The following ALDH3A1 variants were observed in gnomAD, a reference collection of about 807,000 sequenced individuals.
The protein encoded by ALDH3A1 is aldehyde dehydrogenase 3 family member A1.
A neutral mutation model predicts 49.9 loss-of-function variants in ALDH3A1; 46 were observed. The observed-to-expected ratio is 0.92, with a 90% CI of 0.73 to 1.18. ALDH3A1 has a LOEUF of 1.18. Among genes scored for constraint, ALDH3A1 ranks in the 50% most tolerant of loss-of-function variants. The pLI, the probability that ALDH3A1 is intolerant of heterozygous loss-of-function variation, is 0.00. For synonymous variants in ALDH3A1, 269 were observed against 253.3 expected, an observed-to-expected ratio of 1.06 and a Z score of -0.59; for missense variants, 592 against 611.8, an observed-to-expected ratio of 0.97 and a Z score of 0.34.
chr17:19,743,124 AC>A lies in ALDH3A1; in HGVS notation c.394+107del. The stretch of plus-strand genomic sequence containing the variant: ...CAGCCTCCTGTGACAGACCCAGCAA[AC>A]CCTTATCTGACCCCAGGACTCTTAA... On this transcript the variant is annotated intron_variant, in intron 3 of 10. Coordinates refer to ENST00000225740, the MANE Select transcript of ALDH3A1 (RefSeq NM_000691.5). This position sits in a 1 kb window ranked among gnomAD's most constrained non-coding sequence, Gnocchi z 4.4. The A allele has an allele frequency of 6.5e-7, 1 of 1,546,036 alleles. No homozygotes were observed.
Position 19,742,111 on chromosome 17 carries a change from C to T in ALDH3A1, c.582G>A (p.Lys194=), listed in dbSNP as rs1405748867. Reference sequence around the variant, plus strand: ...GCTTGGCAGCAGCCGTCATGATGATCTTCCCCACCCCCGTGCTGCCCGTGT... The same window carrying T: ...GCTTGGCAGCAGCCGTCATGATGATTTTCCCCACCCCCGTGCTGCCCGTGT... The part of the protein sequence containing the change: ...ILYTGSTGVG[K]IIMTAAAKHL... The change falls in exon 5 of 11, where the codon AAG becomes AAA. Residue 194 remains lysine (K), a synonymous_variant. Transcript: ENST00000225740. 1.2e-6 allele frequency: 2 copies of T among 1,613,948 alleles called. No individual in the cohort carries two copies. Among genetic ancestry groups the T allele is most frequent in the Non-Finnish European group, 1.7e-6 (2 of 1,180,032 alleles).
At position 19,740,497 on chromosome 17, in the gene ALDH3A1, G is replaced by A. The variant is rs3826507; in HGVS notation, c.808-20C>T. The A allele has an allele frequency of 0.38, 618,482 of 1,612,064 alleles. 123,086 individuals carry two copies. The highest frequency in any genetic ancestry group is 0.41 in the Non-Finnish European group (483,103 of 1,179,132). On this transcript the variant is annotated intron_variant, in intron 6 of 10. Coordinates refer to ENST00000225740, the MANE Select transcript of ALDH3A1 (RefSeq NM_000691.5). ...GAACTCCTGTGGAGAAGAGGTGGGG[G>A]CTTCGGGTAAGGACGCAGAGCCTCG...
At position 19,743,408 on chromosome 17, in the gene ALDH3A1, T is replaced by C. The variant is rs760732917; in HGVS notation, c.218A>G (p.Tyr73Cys). 7 of 1,613,970 alleles carry C rather than the reference T, an allele frequency of 4.3e-6. No homozygotes were observed. In the South Asian group the frequency reaches 6.6e-5, roughly 15 times the overall value. ...EVVYVLEEIE[Y>C]MIQKLPEWAA... is the part of the protein sequence containing the mutation. ...CCACTCAGGGAGCTTCTGGATCATG[T>C]ACTCGATCTCCTCTAGGACGTACAC... The change falls in exon 3 of 11, where the codon TAC (tyrosine) becomes TGC (cysteine). Residue 73 changes from tyrosine to cysteine, a missense_variant. By Grantham distance (194) the Tyr-to-Cys change is radical. Coordinates refer to ENST00000225740, the MANE Select transcript of ALDH3A1 (RefSeq NM_000691.5). This position sits in a 1 kb window ranked among gnomAD's most constrained non-coding sequence, Gnocchi z 4.4.
In ALDH3A1 at chr17:19,742,016, T is replaced by A; in HGVS notation, c.677A>T (p.Asp226Val). 6.2e-7 allele frequency: 1 copy of A among 1,613,744 alleles called. No individual in the cohort carries two copies. Among genetic ancestry groups the A allele is most frequent in the Non-Finnish European group, 8.5e-7 (1 of 1,179,986 alleles). ...CCGTGCCTCTCACCGGCAGGCCACG[T>A]CCAGGTCACAGTTCTTGTCCACGTA... ...PCYVDKNCDL[D>V]VACRRIAWGK... The change falls in exon 5 of 11, where the codon GAC (aspartate) becomes GTC (valine). Residue 226 changes from aspartate to valine, a missense_variant. Physicochemically the swap from Asp to Val is radical, Grantham distance 152. Transcript: ENST00000225740.
chr17:19,742,333 C>G lies in ALDH3A1; in HGVS notation c.481-121G>C, dbSNP rs554512806. On this transcript the variant is annotated intron_variant, in intron 4 of 10. Transcript: ENST00000225740. ...CCGAAGCTCAGCACCCCACCTTGGG[C>G]GGGGGGTAGCAGTAACTGGCAGTAG... is the stretch of plus-strand genomic sequence containing the variant. 2,078 of 1,195,002 alleles carry G rather than the reference C, an allele frequency of 1.7e-3. 29 individuals are homozygous for G. In the African/African-American group the frequency reaches 0.028, roughly 16 times the overall value. 74.0% of individuals were successfully genotyped at this position (1,195,002 alleles called of 1,614,324 possible).
In ALDH3A1 at chr17:19,742,321, C is replaced by A. The variant is rs185277445; in HGVS notation, c.481-109G>T. 63 of 1,284,876 alleles carry A rather than the reference C, an allele frequency of 4.9e-5. No homozygotes were observed. The African/African-American group carries it at 7.6e-4, about 16-fold the overall frequency. 79.6% of individuals were successfully genotyped at this position (1,284,876 alleles called of 1,614,324 possible). On this transcript the variant is annotated intron_variant, in intron 4 of 10. Coordinates refer to ENST00000225740, the MANE Select transcript of ALDH3A1 (RefSeq NM_000691.5). ...AGACCAGCAGCCCCGAAGCTCAGCACCCCACCTTGGGCGGGGGGTAGCAGT... is the reference window on the plus strand; with the variant it reads ...AGACCAGCAGCCCCGAAGCTCAGCAACCCACCTTGGGCGGGGGGTAGCAGT...
rs116992290 is a variant in ALDH3A1 at position 19,742,823 on chromosome 17, C to T, written c.395-193G>A. 1.8e-3 allele frequency: 2,725 copies of T among 1,533,738 alleles called. 60 individuals are homozygous for T. In the East Asian group the frequency reaches 0.049, roughly 28 times the overall value. ...CGGGCACATGACAGAGGGACACACACGGGCACACGCTGGCCAGAGCTGCAC... is the reference window on the plus strand; with the variant it reads ...CGGGCACATGACAGAGGGACACACATGGGCACACGCTGGCCAGAGCTGCAC... On this transcript the variant is annotated intron_variant, in intron 3 of 10. Transcript: ENST00000225740.
chr17:19,739,349 A>T (rs1415145527), intron 8 of ALDH3A1, among the ~76,000 whole-genome samples, 159 bp downstream of exon 8: 2 of 152,212 alleles, frequency 1.3e-5, no homozygotes, highest in Non-Finnish European at 2.9e-5. Flanking sequence ...CCCTCAGGTG[A>T]TGCTGCTGTC....
Position 19,743,825 on chromosome 17 carries a change from G to A in ALDH3A1, c.163-362C>T. The A allele has an allele frequency of 1.0e-6, 1 of 978,396 alleles. No individual in the cohort carries two copies. Among genetic ancestry groups the A allele is most frequent in the Non-Finnish European group, 1.2e-6 (1 of 824,296 alleles). 60.6% of individuals were successfully genotyped at this position (978,396 alleles called of 1,614,324 possible). On this transcript the variant is annotated intron_variant, in intron 2 of 10. Coordinates refer to ENST00000225740, the MANE Select transcript of ALDH3A1 (RefSeq NM_000691.5). The surrounding 1 kb of genome is among the most constrained non-coding windows in gnomAD (Gnocchi z 4.4). ...TCCGGGGAGGGGGGGATGGATCCGGGGAGGGGGGATAGATTCGGGCACTGG... is the reference window on the plus strand; with the variant it reads ...TCCGGGGAGGGGGGGATGGATCCGGAGAGGGGGGATAGATTCGGGCACTGG...
In ALDH3A1 at chr17:19,738,335, C is replaced by G. The variant is rs1454987632; in HGVS notation, c.1335G>C (p.Pro445=). The G allele has an allele frequency of 6.2e-7, 1 of 1,613,016 alleles. No homozygotes were observed. The highest frequency in any genetic ancestry group is 1.3e-5 in the African/African-American group (1 of 74,918). ...NDEGLKVRYP[P]SPAKMTQH Reference sequence around the variant, plus strand: ...TTCCCCCTCTCACCTTGGCCGGGCTCGGGGGGTATCTGACCTTCAGGCCTT... The same window carrying G: ...TTCCCCCTCTCACCTTGGCCGGGCTGGGGGGGTATCTGACCTTCAGGCCTT... The change falls in exon 10 of 11, where the codon CCG becomes CCC. Residue 445 remains proline, a synonymous_variant. Transcript: ENST00000225740.
intron 6 of ALDH3A1, 81 bp from the exon 7 acceptor site, chr17:19,740,558 T>C (rs1597666835): frequency 1.3e-6 from 2 of 1,519,604 alleles, no homozygotes; most frequent in African/African-American, 2.7e-5. Flanking sequence ...AGGCCAGCAG[T>C]GTCTGTCTTT....
chr17:19,741,060 C>G (rs1364017437), intron 6 of ALDH3A1, 33 bp downstream of exon 6: 1 of 1,566,870 alleles, frequency 6.4e-7, no homozygotes. Context: ...CTTACAGCCT[C>G]TCATCCCACC....
chr17:19,742,052 T>C lies in ALDH3A1; in HGVS notation c.641A>G (p.Lys214Arg). The change falls in exon 5 of 11, where the codon AAG (lysine) becomes AGG (arginine). Residue 214 changes from lysine to arginine, a missense_variant. Physicochemically the swap from Lys to Arg is conservative, Grantham distance 26. Coordinates refer to ENST00000225740, the MANE Select transcript of ALDH3A1 (RefSeq NM_000691.5). The stretch of plus-strand genomic sequence containing the variant: ...GTTCTTGTCCACGTAGCAGGGACTC[T>C]TCCCTCCCAGCTCCAGCGTGACAGG... Reference protein sequence around the residue: ...LTPVTLELGGKSPCYVDKNCD... With the variant: ...LTPVTLELGGRSPCYVDKNCD... 6.2e-7 allele frequency: 1 copy of C among 1,613,962 alleles called. No individual in the cohort carries two copies. Among genetic ancestry groups the C allele is most frequent in the Non-Finnish European group, 8.5e-7 (1 of 1,179,988 alleles).
In ALDH3A1 at chr17:19,745,119, A is replaced by G. The variant is rs772372375; in HGVS notation, c.11T>C (p.Ile4Thr). 2.5e-6 allele frequency: 4 copies of G among 1,578,674 alleles called. No homozygotes were observed. Among genetic ancestry groups the G allele is most frequent in the Non-Finnish European group, 3.4e-6 (4 of 1,168,722 alleles). Reference sequence around the variant, plus strand: ...GCGGGCGCGCTTCACGGCCTCGCTGATCTTGCTCATGGCGCCTGGGGACAG... The same window carrying G: ...GCGGGCGCGCTTCACGGCCTCGCTGGTCTTGCTCATGGCGCCTGGGGACAG... MSKISEAVKRARAA... is the reference protein window; with the variant it reads MSKTSEAVKRARAA... Residue 4 changes from isoleucine (I) to threonine (T), a missense_variant, in exon 2 of 11, where the codon ATC becomes ACC. Physicochemically the swap from Ile to Thr is moderately conservative, Grantham distance 89. Coordinates refer to ENST00000225740, the MANE Select transcript of ALDH3A1 (RefSeq NM_000691.5).
chr17:19,743,480 G>A lies in ALDH3A1; in HGVS notation c.163-17C>T, dbSNP rs887239. ...CCATTCATTCTGCAGCGACAGAGCC[G>A]GAGTGAGCTTCCAGGGCCAGGGCCC... On this transcript the variant is annotated splice_polypyrimidine_tract_variant and intron_variant, in intron 2 of 10. Coordinates refer to ENST00000225740, the MANE Select transcript of ALDH3A1 (RefSeq NM_000691.5). The surrounding 1 kb of genome is among the most constrained non-coding windows in gnomAD (Gnocchi z 4.4). 713 of 1,572,378 alleles carry A rather than the reference G, an allele frequency of 4.5e-4. 3 individuals carry two copies. In the African/African-American group the frequency reaches 8.8e-3, roughly 19 times the overall value.
rs1331393293 is a variant in ALDH3A1, at chr17:19,746,686, TGTGTGTGTGCGTGC to T, written c.-6+1559_-5-1553del. Among the ~76,000 whole-genome samples the T allele has an allele frequency of 7.1e-4, 99 of 139,940 alleles. No homozygotes were observed. In the East Asian group the frequency reaches 0.011, roughly 16 times the overall value. 91.8% of individuals were successfully genotyped at this position (139,940 alleles called of 152,430 possible). On this transcript the variant is annotated intron_variant, in intron 1 of 10. Coordinates refer to ENST00000225740, the MANE Select transcript of ALDH3A1 (RefSeq NM_000691.5). ...GTGTGTGCGTGTGTGTGCATGTGCGTGTGTGTGTGCGTGCGTGTGTGTGCATGTGCGTGTGTGTG... is the reference window on the plus strand; with the variant it reads ...GTGTGTGCGTGTGTGTGCATGTGCGTGTGTGTGTGCATGTGCGTGTGTGTG...
At chr17:19,739,173 A>G (rs1428838378) in intron 8 of ALDH3A1, 78 bp from the exon 9 acceptor site, 6 of 1,315,218 alleles carry the variant, frequency 4.6e-6, no homozygotes, top group Non-Finnish European at 6.4e-6. Context: ...CTGCCTGGGT[A>G]TAGCCTGGAG....
Position 19,742,164 on chromosome 17 carries a change from G to A in ALDH3A1, c.529C>T (p.Leu177Phe). The A allele has an allele frequency of 6.2e-7, 1 of 1,614,084 alleles. No individual in the cohort carries two copies. The highest frequency in any genetic ancestry group is 8.5e-7 in the Non-Finnish European group (1 of 1,180,034). Residue 177 changes from leucine to phenylalanine, a missense_variant, in exon 5 of 11, where the codon CTC becomes TTC. Leu to Phe is a conservative substitution (Grantham distance 22). Coordinates refer to ENST00000225740, the MANE Select transcript of ALDH3A1 (RefSeq NM_000691.5). ...AGGATATGGTCGAACCTCTCCTTGA[G>A]CAGCTCCGTGGTCTCAGGGACACCC... The part of the protein sequence containing the change: ...NGGVPETTEL[L>F]KERFDHILYT...
At chr17:19,739,215 C>T (rs953327203) in intron 8 of ALDH3A1, 120 bp from the exon 9 acceptor site, 11 of 941,246 alleles carry the variant, frequency 1.2e-5, no homozygotes, top group Non-Finnish European at 1.8e-5. Flanking sequence ...GAGGCAGAGC[C>T]TTAGCCTCCA....
Sources: gnomAD v4.1 joint callset for allele counts (sites outside exome capture counted in the v4.1 genomes callset) on GRCh38, gnomAD v4.1.1 for gene constraint, Gnocchi (gnomAD v3.1) non-coding constraint, MANE v1.5 for transcripts, NCBI Gene and HGNC (gene_info 2026-07-23, HGNC 2026-07-21) for gene names.